PCDHGA4: variants seen among roughly 807,000 people sequenced by gnomAD.
The protein encoded by PCDHGA4 is protocadherin gamma subfamily A, 4.
PCDHGA4 carries 38 observed loss-of-function variants against 54.6 expected under a neutral mutation model. The observed-to-expected ratio is 0.70, with a 90% CI of 0.54 to 0.91. The LOEUF (loss-of-function observed/expected upper bound fraction) is 0.91, where lower values mean the gene tolerates loss of function less well. Among genes scored for constraint, PCDHGA4 ranks in the 40% least tolerant of loss-of-function variants. PCDHGA4 has a pLI of 0.00. For missense variants in PCDHGA4, 1,298 were observed against 1,220.9 expected, an observed-to-expected ratio of 1.06 and a Z score of -0.94; for synonymous variants, 511 against 512.9, an observed-to-expected ratio of 1.00 and a Z score of 0.05.
chr5:141,383,553 C>T (rs765903383), intron 1 of PCDHGA4: 3 of 1,612,130 alleles, frequency 1.9e-6, no homozygotes, highest in South Asian at 2.2e-5. Flanking sequence ...CTGATGGCGG[C>T]GACCCGCCCC....
intron 1 of PCDHGA4, among the ~76,000 whole-genome samples, chr5:141,445,720 G>T (rs2098475440): frequency 6.6e-6 from 1 of 152,158 alleles, no homozygotes; most frequent in Non-Finnish European, 1.5e-5. Flanking sequence ...AGAGGAAATA[G>T]CATGTGTAAA....
At chr5:141,366,747 T>G in intron 1 of PCDHGA4, 1 of 1,609,550 alleles carries the variant, frequency 6.2e-7, no homozygotes, top group Non-Finnish European at 8.5e-7. Context: ...GAACGGCGAG[T>G]TCAGGTTAGT....
At chr5:141,388,360 A>T in intron 1 of PCDHGA4, 4 of 1,613,996 alleles carry the variant, frequency 2.5e-6, no homozygotes, top group Non-Finnish European at 3.4e-6. Flanking sequence ...TCTGCCCATG[A>T]TGCGGATATT....
intron 3 of PCDHGA4, among the ~76,000 whole-genome samples, chr5:141,510,468 A>G (rs1246106107): frequency 2.0e-5 from 3 of 152,152 alleles, no homozygotes; most frequent in Admixed American, 2.0e-4. Flanking sequence ...TGTGGGAGTC[A>G]GAGGCTCCCT....
Position 141,476,974 on chromosome 5 carries a change from C to G in PCDHGA4, c.2515-17833C>G. 1 of 1,614,268 alleles carries G rather than the reference C, an allele frequency of 6.2e-7. No homozygotes were observed. The highest frequency in any genetic ancestry group is 1.3e-5 in the African/African-American group (1 of 75,080). On this transcript the variant is annotated intron_variant, in intron 1 of 3. Coordinates refer to ENST00000571252, the MANE Select transcript of PCDHGA4 (RefSeq NM_018917.4). This position sits in a 1 kb window ranked among gnomAD's most constrained non-coding sequence, Gnocchi z 7.6. ...AAATTATTTACTCCTTCGGCAGCCA[C>G]AACCGCGCCGGCGTGCGGCAACTAT...
intron 3 of PCDHGA4, 152 bp from the exon 4 acceptor site, chr5:141,510,795 G>C (rs994874330): frequency 9.3e-5 from 136 of 1,465,100 alleles, no homozygotes; most frequent in Admixed American, 1.7e-4. Flanking sequence ...CTTGTGAAGA[G>C]AGACTACCTT....
At chr5:141,386,430 G>A (rs1257944903) in intron 1 of PCDHGA4, among the ~76,000 whole-genome samples, 2 of 152,116 alleles carry the variant, frequency 1.3e-5, no homozygotes, top group African/African-American at 4.8e-5. Flanking sequence ...TAGCCCACCT[G>A]CATGGGAGGC....
chr5:141,492,230 C>T (rs1286145654), intron 1 of PCDHGA4, among the ~76,000 whole-genome samples: 1 of 152,196 alleles, frequency 6.6e-6, no homozygotes. Flanking sequence ...CGTGTCCTCC[C>T]TGCTGGCCAC....
At chr5:141,403,892 T>C in intron 1 of PCDHGA4, 1 of 1,613,820 alleles carries the variant, frequency 6.2e-7, no homozygotes, top group Non-Finnish European at 8.5e-7. Flanking sequence ...AGAATGTTCA[T>C]TTTATGAAAT....
chr5:141,450,633 C>T (rs751572851), intron 1 of PCDHGA4, among the ~76,000 whole-genome samples: 2 of 149,416 alleles, frequency 1.3e-5, no homozygotes, highest in East Asian at 2.0e-4. Flanking sequence ...ATTACAGATG[C>T]CTGCCACCAT....
At chr5:141,399,579 C>CT (rs1419885738) in intron 1 of PCDHGA4, 1 of 1,614,026 alleles carries the variant, frequency 6.2e-7, no homozygotes, top group African/African-American at 1.3e-5. Context: ...GCCAAGTCTC[C>CT]TACTCTATCA....
At chr5:141,388,841 A>G in intron 1 of PCDHGA4, 1 of 1,614,022 alleles carries the variant, frequency 6.2e-7, no homozygotes. Context: ...TTTTGGAAGC[A>G]AGGGACGGTG....
intron 1 of PCDHGA4, among the ~76,000 whole-genome samples, chr5:141,445,320 A>G (rs1462989860): frequency 1.3e-5 from 2 of 152,188 alleles, no homozygotes; most frequent in Non-Finnish European, 2.9e-5. Flanking sequence ...GGTTGAGAGA[A>G]CCCATCCAGA....
At position 141,422,030 on chromosome 5, in the gene PCDHGA4, C is replaced by T. The variant is rs1404612424; in HGVS notation, c.2514+64409C>T. ...ACTCGGGTGCTGATGGTTAATGCAA[C>T]GGATCCAGACGAGGGAATCAACGGG... On this transcript the variant is annotated intron_variant, in intron 1 of 3. Coordinates refer to ENST00000571252, the MANE Select transcript of PCDHGA4 (RefSeq NM_018917.4). 3 of 1,609,592 alleles carry T rather than the reference C, an allele frequency of 1.9e-6. No homozygotes were observed. The South Asian group carries it at 3.3e-5, about 18-fold the overall frequency.
intron 1 of PCDHGA4, chr5:141,371,032 C>G (rs547337082): frequency 6.2e-7 from 1 of 1,614,002 alleles, no homozygotes; most frequent in South Asian, 1.1e-5. Context: ...CTGGTCCTCA[C>G]AGCTGTGGAT....
At chr5:141,474,090 AAACAACAACAAAAAC>A (rs1459798801) in intron 1 of PCDHGA4, among the ~76,000 whole-genome samples, 1 of 152,206 alleles carries the variant, frequency 6.6e-6, no homozygotes, top group African/African-American at 2.4e-5. Flanking sequence ...ACCAAAAAAC[AAACAACAACAAAAAC>A]AACAACAACG....
intron 1 of PCDHGA4, among the ~76,000 whole-genome samples, chr5:141,452,316 T>C (rs2098738639): frequency 6.6e-6 from 1 of 152,208 alleles, no homozygotes; most frequent in Non-Finnish European, 1.5e-5. Flanking sequence ...ACTCATACTT[T>C]CCTTGTTCCA....
intron 1 of PCDHGA4, chr5:141,376,588 T>A: frequency 6.3e-7 from 1 of 1,575,434 alleles, no homozygotes; most frequent in South Asian, 1.2e-5. Flanking sequence ...ATCAGCTAGA[T>A]CGGCTGTTAT....
intron 1 of PCDHGA4, among the ~76,000 whole-genome samples, chr5:141,452,579 A>G (rs1320327475): frequency 6.6e-6 from 1 of 151,944 alleles, no homozygotes; most frequent in Non-Finnish European, 1.5e-5. Context: ...CCCCCTTTCC[A>G]TCTTTGTATT....
Sources: gnomAD v4.1 joint callset for allele counts (sites outside exome capture counted in the v4.1 genomes callset) on GRCh38, gnomAD v4.1.1 for gene constraint, Gnocchi (gnomAD v3.1) non-coding constraint, MANE v1.5 for transcripts, NCBI Gene and HGNC (gene_info 2026-07-23, HGNC 2026-07-21) for gene names.